ADGRL3: variants seen among roughly 807,000 people sequenced by gnomAD.
ADGRL3 encodes the protein adhesion G protein-coupled receptor L3, also known as calcium-independent alpha-latrotoxin receptor 3.
A neutral mutation model predicts 153.5 loss-of-function variants in ADGRL3; 62 were observed. That is an observed-to-expected ratio of 0.40 (90% CI 0.33 to 0.50). The LOEUF is 0.50. Among genes scored for constraint, ADGRL3 ranks in the 20% least tolerant of loss-of-function variants. The pLI is 0.47. For synonymous variants in ADGRL3, 710 were observed against 672.5 expected (o/e 1.06, Z -0.86); for missense variants, 1,641 against 1,859.4 (o/e 0.88, Z 2.16).
intron 3 of ADGRL3, among the ~76,000 whole-genome samples, chr4:61,510,725 T>C (rs1165796655): frequency 1.3e-5 from 2 of 152,226 alleles, no homozygotes; most frequent in African/African-American, 4.8e-5. Flanking sequence ...TTGCTGAGGA[T>C]TGCTTTGGCT....
At chr4:61,751,003 G>A (rs962199933) in intron 8 of ADGRL3, among the ~76,000 whole-genome samples, 2 of 152,112 alleles carry the variant, frequency 1.3e-5, no homozygotes, top group Non-Finnish European at 2.9e-5. Context: ...GCAGGTGAGC[G>A]AGCATTACTG....
At chr4:62,033,214 A>G (rs963729839) in intron 23 of ADGRL3, among the ~76,000 whole-genome samples, 1 of 151,612 alleles carries the variant, frequency 6.6e-6, no homozygotes, top group Non-Finnish European at 1.5e-5. Context: ...AGAGAGAGAG[A>G]TGATTTTGTG....
intron 12 of ADGRL3, among the ~76,000 whole-genome samples, chr4:61,911,097 C>A (rs754763703): frequency 6.6e-6 from 1 of 152,042 alleles, no homozygotes; most frequent in East Asian, 1.9e-4. Context: ...GATTTTAATG[C>A]GTTGTTGCCC....
rs540225394 is a variant in ADGRL3 at position 61,491,806 on chromosome 4, A to G, written c.-173-5315A>G. 5.9e-5 allele frequency among the ~76,000 whole-genome samples: 9 copies of G among 152,286 alleles called. No homozygotes were observed. The East Asian group carries it at 9.7e-4, about 16-fold the overall frequency. Reference sequence around the variant, plus strand: ...TTATACCTTGATACAATTTTATGCCACGTTACTATAAATTAATTTTATATC... The same window carrying G: ...TTATACCTTGATACAATTTTATGCCGCGTTACTATAAATTAATTTTATATC... On this transcript the variant is annotated intron_variant, in intron 2 of 26. Coordinates refer to ENST00000683033, the MANE Select transcript of ADGRL3 (RefSeq NM_001387552.1).
chr4:61,873,891 C>T (rs2098459482), intron 9 of ADGRL3, among the ~76,000 whole-genome samples: 2 of 151,946 alleles, frequency 1.3e-5, no homozygotes, highest in African/African-American at 4.8e-5. Context: ...ATGCAAAGAA[C>T]AACTCTTTAC....
chr4:61,696,657 CT>C (rs1004870625), intron 6 of ADGRL3, among the ~76,000 whole-genome samples: 29 of 134,668 alleles, frequency 2.2e-4, no homozygotes, highest in Admixed American at 9.8e-4. Flanking sequence ...CCCTAAGTTC[CT>C]TTTTTTTTAA....
intron 1 of ADGRL3, among the ~76,000 whole-genome samples, chr4:61,370,574 AT>A (rs1345655565): frequency 6.6e-6 from 1 of 152,006 alleles, no homozygotes; most frequent in African/African-American, 2.4e-5. Flanking sequence ...TTCTAGTTTG[AT>A]TGCACTGTGG....
At chr4:62,049,210 T>C (rs934447787) in intron 25 of ADGRL3, among the ~76,000 whole-genome samples, 2 of 152,140 alleles carry the variant, frequency 1.3e-5, no homozygotes, top group East Asian at 1.9e-4. Flanking sequence ...CACAAAAGAG[T>C]GCCCCATTCC....
intron 1 of ADGRL3, among the ~76,000 whole-genome samples, chr4:61,270,393 T>C (rs2093098697): frequency 6.6e-6 from 1 of 151,930 alleles, no homozygotes; most frequent in East Asian, 1.9e-4. Flanking sequence ...GAATTTTACT[T>C]GTTACTAACA....
At chr4:61,957,366 C>T (rs1055337622) in intron 17 of ADGRL3, among the ~76,000 whole-genome samples, 1 of 151,840 alleles carries the variant, frequency 6.6e-6, no homozygotes, top group Admixed American at 6.6e-5. Flanking sequence ...GAATGCTTGT[C>T]ATCTTATAGC....
At chr4:61,821,349 A>AT (rs1252514740) in intron 9 of ADGRL3, among the ~76,000 whole-genome samples, 1 of 150,086 alleles carries the variant, frequency 6.7e-6, no homozygotes, top group African/African-American at 2.4e-5. Context: ...TTATTTATTT[A>AT]TTTATTTGTT....
At chr4:61,842,205 A>T (rs6832443) in intron 9 of ADGRL3, among the ~76,000 whole-genome samples, 56,655 of 151,988 alleles carry the variant, frequency 0.37, 13,485 homozygotes, top group East Asian at 0.75. Flanking sequence ...AAAATATTAT[A>T]CACATGACAG....
chr4:61,636,172 G>A (rs1003663894), intron 5 of ADGRL3, among the ~76,000 whole-genome samples: 1 of 152,052 alleles, frequency 6.6e-6, no homozygotes, highest in African/African-American at 2.4e-5. Context: ...TTTTTGCTGT[G>A]TGTGAATGTT....
rs754008060 is a variant in ADGRL3, at chr4:61,934,902, G to C, written c.2175G>C (p.Leu725=). Residue 725 remains leucine (L), a synonymous_variant, in exon 14 of 27, where the codon CTG becomes CTC. Transcript: ENST00000683033. ...QPQALNAWRD[L]TTSDQLRAAT... Reference sequence around the variant, plus strand: ...AAGCTTTGAATGCATGGAGAGACCTGACTACGAGTGATCAGCTGCGTGCGG... The same window carrying C: ...AAGCTTTGAATGCATGGAGAGACCTCACTACGAGTGATCAGCTGCGTGCGG... 6.2e-6 allele frequency: 10 copies of C among 1,613,694 alleles called. No homozygotes were observed. Among genetic ancestry groups the C allele is most frequent in the Admixed American group, 1.7e-5 (1 of 59,932 alleles).
chr4:61,544,556 A>G (rs2148688608), intron 4 of ADGRL3, among the ~76,000 whole-genome samples: 1 of 152,302 alleles, frequency 6.6e-6, no homozygotes, highest in East Asian at 1.9e-4. Flanking sequence ...CGTAATCAGA[A>G]AATTCTGTTT....
At chr4:61,231,147 C>T (rs113242949) in intron 1 of ADGRL3, among the ~76,000 whole-genome samples, 133 of 152,178 alleles carry the variant, frequency 8.7e-4, no homozygotes, top group South Asian at 2.7e-3. Flanking sequence ...AAAGTCTGTG[C>T]GGAGATAGTA....
intron 4 of ADGRL3, among the ~76,000 whole-genome samples, chr4:61,575,486 A>G (rs1157629782): frequency 1.3e-5 from 2 of 151,888 alleles, no homozygotes; most frequent in Non-Finnish European, 2.9e-5. Context: ...TTTTTCCATC[A>G]TAGTTCTTGT....
chr4:61,824,069 A>C (rs1332149606), intron 9 of ADGRL3, among the ~76,000 whole-genome samples: 1 of 152,210 alleles, frequency 6.6e-6, no homozygotes, highest in African/African-American at 2.4e-5. Context: ...CTCAAAAAAA[A>C]AAGTAATCTT....
intron 2 of ADGRL3, among the ~76,000 whole-genome samples, chr4:61,437,751 AG>A (rs1424223520): frequency 1.3e-5 from 2 of 152,116 alleles, no homozygotes; most frequent in Admixed American, 6.6e-5. Flanking sequence ...TCCCCATACA[AG>A]CTTCTCCTTC....
Sources: gnomAD v4.1 joint callset for allele counts (sites outside exome capture counted in the v4.1 genomes callset) on GRCh38, gnomAD v4.1.1 for gene constraint, MANE v1.5 for transcripts, NCBI Gene and HGNC (gene_info 2026-07-23, HGNC 2026-07-21) for gene names.